Variants in EVC2 observed in about 807,000 individuals in gnomAD.
EVC2 encodes EvC ciliary complex subunit 2.
EVC2 carries 148 observed loss-of-function variants against 149.3 expected under a neutral mutation model. The observed-to-expected ratio is 0.99, with a 90% CI of 0.87 to 1.14. The LOEUF (loss-of-function observed/expected upper bound fraction) is 1.14, where lower values mean the gene tolerates loss of function less well. EVC2 is among the 50% of genes most tolerant of loss of function. The pLI is 0.00. For synonymous variants in EVC2, 776 were observed against 649.9 expected (o/e 1.19, Z -2.95); for missense variants, 1,854 against 1,627.3 (o/e 1.14, Z -2.40).
intron 11 of EVC2, 31 bp from the exon 12 acceptor site, chr4:5,628,765 T>A (rs1045623605): frequency 6.3e-6 from 10 of 1,588,598 alleles, no homozygotes; most frequent in Non-Finnish European, 8.6e-6. Context: ...CAAGAAAATA[T>A]GCCTAATTAA....
At chr4:5,648,307 T>C (rs1717875645) in intron 9 of EVC2, among the ~76,000 whole-genome samples, 1 of 152,228 alleles carries the variant, frequency 6.6e-6, no homozygotes, top group African/African-American at 2.4e-5. Context: ...TCCAGAACTC[T>C]AAGATTCATA....
chr4:5,705,284 T>G (rs13128431), intron 1 of EVC2, among the ~76,000 whole-genome samples: 86,803 of 151,992 alleles, frequency 0.57, 25,241 homozygotes, highest in East Asian at 0.75. Context: ...TTTCAAAGGG[T>G]CTGGGTGGTT....
chr4:5,644,379 A>C (rs1030165841), intron 9 of EVC2, among the ~76,000 whole-genome samples: 19 of 150,646 alleles, frequency 1.3e-4, no homozygotes, highest in Non-Finnish European at 2.2e-4. Flanking sequence ...ATCTCGGCTC[A>C]CTGCAACCTC....
At chr4:5,674,923 T>A (rs532186721) in intron 7 of EVC2, among the ~76,000 whole-genome samples, 1 of 152,266 alleles carries the variant, frequency 6.6e-6, no homozygotes, top group Admixed American at 6.5e-5. Context: ...GTCAGTGGGC[T>A]TCGAATGTCC....
At chr4:5,584,037 A>C (rs1358153599) in intron 17 of EVC2, among the ~76,000 whole-genome samples, 1 of 152,110 alleles carries the variant, frequency 6.6e-6, no homozygotes, top group Non-Finnish European at 1.5e-5. Context: ...TTTACAACTT[A>C]GTAGCGCTTC....
In EVC2 at chr4:5,694,599, C is replaced by A. The variant is rs79024204; in HGVS notation, c.284-98G>T. 7,083 of 1,406,476 alleles carry A rather than the reference C, an allele frequency of 5.0e-3. 273 individuals are homozygous for A. In the African/African-American group the frequency reaches 0.087, roughly 17 times the overall value. 87.1% of individuals were successfully genotyped at this position (1,406,476 alleles called of 1,614,324 possible). On this transcript the variant is annotated intron_variant, in intron 2 of 21. Transcript: ENST00000344408. The stretch of plus-strand genomic sequence containing the variant: ...CAGACTACAGGGTACATGGAAGGTA[C>A]TTAGAAGACGTTTGTTGGGTAAGTA...
At chr4:5,701,238 T>C (rs1721803763) in intron 1 of EVC2, among the ~76,000 whole-genome samples, 1 of 152,214 alleles carries the variant, frequency 6.6e-6, no homozygotes, top group Non-Finnish European at 1.5e-5. Flanking sequence ...CTTCCACTTT[T>C]ACGGACCCTG....
intron 9 of EVC2, among the ~76,000 whole-genome samples, chr4:5,647,972 T>C (rs1717846765): frequency 6.6e-6 from 1 of 151,954 alleles, no homozygotes; most frequent in African/African-American, 2.4e-5. Context: ...GGCAGCAGCC[T>C]CAAGAAGCCG....
chr4:5,659,409 A>G (rs1718737262), intron 9 of EVC2, among the ~76,000 whole-genome samples: 1 of 151,886 alleles, frequency 6.6e-6, no homozygotes, highest in African/African-American at 2.4e-5. Context: ...ATAATTGAAA[A>G]AAAAAAAAAA....
intron 7 of EVC2, 65 bp from the exon 8 acceptor site, chr4:5,665,714 G>C: frequency 6.3e-7 from 1 of 1,593,164 alleles, no homozygotes; most frequent in South Asian, 1.1e-5. Flanking sequence ...AGGCCTCACA[G>C]ATGATTGAGT....
the EVC2 span, among the ~76,000 whole-genome samples, chr4:5,535,357 T>C: frequency 2.0e-5 from 3 of 152,344 alleles, no homozygotes; most frequent in South Asian, 6.2e-4. The surrounding 1 kb of genome is among the most constrained non-coding windows in gnomAD (Gnocchi z 4.7). Context: ...CAAGGTTTTC[T>C]GTGAGTTCGT....
At chr4:5,661,123 G>A (rs1344434447) in intron 9 of EVC2, among the ~76,000 whole-genome samples, 3 of 152,250 alleles carry the variant, frequency 2.0e-5, no homozygotes, top group East Asian at 3.9e-4. Context: ...TAGTGAGTGG[G>A]CAGAAAGCCA....
chr4:5,570,869 T>C (rs1722602160), intron 19 of EVC2, among the ~76,000 whole-genome samples: 1 of 152,104 alleles, frequency 6.6e-6, no homozygotes, highest in Non-Finnish European at 1.5e-5. Flanking sequence ...CTGGAGGCCA[T>C]TATTCTAAGT....
chr4:5,626,050 G>T, intron 12 of EVC2, 142 bp from the exon 13 acceptor site: 1 of 999,132 alleles, frequency 1.0e-6, no homozygotes, highest in East Asian at 2.5e-5. Flanking sequence ...TACAAGAATG[G>T]GCAGCTAAGA....
chr4:5,691,162 A>C lies in EVC2; in HGVS notation c.519+103T>G, dbSNP rs918339237. On this transcript the variant is annotated intron_variant, in intron 4 of 21. Coordinates refer to ENST00000344408, the MANE Select transcript of EVC2 (RefSeq NM_147127.5). ...CTCATGTGTCTAGACTTGTGTAGGT[A>C]AGCCCATGATTTATCAGTTCTTAAA... 18 of 1,025,182 alleles carry C rather than the reference A, an allele frequency of 1.8e-5. No homozygotes were observed. The African/African-American group carries it at 2.8e-4, about 16-fold the overall frequency. 63.5% of individuals were successfully genotyped at this position (1,025,182 alleles called of 1,614,324 possible). A position where few individuals can be genotyped will look rare whatever the true frequency, so the allele number is the denominator to read the frequency against.
rs933829369 is a variant in EVC2, at chr4:5,657,998, C to G, written c.1145+5109G>C. Reference sequence around the variant, plus strand: ...CATCGCCAGCTCTCAGCTTAACAAGCCTCCATTAGAAGCATCCTCTCCAAG... The same window carrying G: ...CATCGCCAGCTCTCAGCTTAACAAGGCTCCATTAGAAGCATCCTCTCCAAG... On this transcript the variant is annotated intron_variant, in intron 9 of 21. Transcript: ENST00000344408. This position sits in a 1 kb window ranked among gnomAD's most constrained non-coding sequence, Gnocchi z 4.7. Among the ~76,000 whole-genome samples the G allele has an allele frequency of 6.6e-6, 1 of 152,156 alleles. No individual in the cohort carries two copies. Among genetic ancestry groups the G allele is most frequent in the Non-Finnish European group, 1.5e-5 (1 of 68,034 alleles).
At chr4:5,591,753 C>T (rs1054492968) in intron 16 of EVC2, among the ~76,000 whole-genome samples, 7 of 152,182 alleles carry the variant, frequency 4.6e-5, no homozygotes, top group East Asian at 1.9e-4. Flanking sequence ...GGGTTTTAAT[C>T]CTTTGTCTAG....
At chr4:5,568,067 T>A (rs1577098955) in intron 20 of EVC2, among the ~76,000 whole-genome samples, 1 of 152,060 alleles carries the variant, frequency 6.6e-6, no homozygotes, top group African/African-American at 2.4e-5. Context: ...ACTCACACAT[T>A]TACATACCAA....
intron 12 of EVC2, among the ~76,000 whole-genome samples, chr4:5,627,773 C>T (rs1317850333): frequency 6.6e-6 from 1 of 152,072 alleles, no homozygotes; most frequent in East Asian, 1.9e-4. Flanking sequence ...ATTTGGAATC[C>T]AAGACAACCA....
Sources: allele counts gnomAD v4.1 joint callset (sites outside exome capture counted in the v4.1 genomes callset), GRCh38; gene constraint gnomAD v4.1.1; non-coding constraint Gnocchi (gnomAD v3.1); transcripts MANE v1.5; gene names NCBI Gene and HGNC (gene_info 2026-07-23, HGNC 2026-07-21).